The following ST6GALNAC3 variants were observed in gnomAD, a reference collection of about 807,000 sequenced individuals.
ST6GALNAC3 encodes the protein alpha-N-acetylgalactosaminide alpha-2,6-sialyltransferase 3.
Under a neutral mutation model 32.7 loss-of-function variants are expected in ST6GALNAC3, and 25 were observed. That is an observed-to-expected ratio of 0.76 (90% CI 0.56 to 1.07). ST6GALNAC3 has a LOEUF of 1.07. Among genes scored for constraint, ST6GALNAC3 ranks in the 50% least tolerant of loss-of-function variants. The pLI is 0.00. For missense variants in ST6GALNAC3, 355 were observed against 382.4 expected (o/e 0.93, Z 0.60); for synonymous variants, 129 against 133.1 (o/e 0.97, Z 0.21).
chr1:76,286,431 T>C (rs1537783), intron 1 of ST6GALNAC3, among the ~76,000 whole-genome samples: 73,257 of 152,096 alleles, frequency 0.48, 17,880 homozygotes, highest in African/African-American at 0.55. Flanking sequence ...ACTACCTCCA[T>C]AGAGATGTTT....
intron 2 of ST6GALNAC3, among the ~76,000 whole-genome samples, chr1:76,367,383 A>G (rs1162612614): frequency 6.6e-6 from 1 of 152,142 alleles, no homozygotes; most frequent in Non-Finnish European, 1.5e-5. Context: ...TGTGGTAAGC[A>G]CAGGGCACTA....
intron 1 of ST6GALNAC3, among the ~76,000 whole-genome samples, chr1:76,183,994 G>A (rs1227822541): frequency 1.3e-5 from 2 of 151,358 alleles, no homozygotes; most frequent in African/African-American, 4.9e-5. Context: ...CTACTGATAC[G>A]TGTATTAGTC....
At chr1:76,477,912 C>T (rs1294826648) in intron 3 of ST6GALNAC3, among the ~76,000 whole-genome samples, 1 of 152,202 alleles carries the variant, frequency 6.6e-6, no homozygotes, top group African/African-American at 2.4e-5. Context: ...TTCATGGGCT[C>T]TGTTCTCGAT....
chr1:76,475,384 G>T (rs1312659672), intron 3 of ST6GALNAC3, among the ~76,000 whole-genome samples: 3 of 152,140 alleles, frequency 2.0e-5, no homozygotes, highest in East Asian at 3.9e-4. Flanking sequence ...GTATACTGGG[G>T]TTGTTTTGAA....
Position 76,627,484 on chromosome 1 carries a change from G to T in ST6GALNAC3, c.656G>T (p.Trp219Leu), listed in dbSNP as rs1649043662. ...VQSGSYLSTG[W>L]FTFLLAMDAC... ...TCTGGCTCATATCTCAGCACAGGGT[G>T]GTTTACCTTCCTTCTGGCCATGGAC... Residue 219 changes from tryptophan to leucine, a missense_variant, in exon 4 of 5, where the codon TGG becomes TTG. By Grantham distance (61) the Trp-to-Leu change is moderately conservative. Transcript: ENST00000328299. 1 of 1,612,630 alleles carries T rather than the reference G, an allele frequency of 6.2e-7. No individual in the cohort carries two copies. Among genetic ancestry groups the T allele is most frequent in the Non-Finnish European group, 8.5e-7 (1 of 1,179,000 alleles).
Position 76,228,043 on chromosome 1 carries a change from G to A in ST6GALNAC3, c.19-85762G>A, listed in dbSNP as rs530614167. On this transcript the variant is annotated intron_variant, in intron 1 of 4. Coordinates refer to ENST00000328299, the MANE Select transcript of ST6GALNAC3 (RefSeq NM_152996.4). ...TGTATCTGGAGGTAAACACCAATCA[G>A]CTACAGTTGGCTTCAGGCCCAAGAG... Among the ~76,000 whole-genome samples, 12 of 152,298 alleles carry A rather than the reference G, an allele frequency of 7.9e-5. No individual in the cohort carries two copies. The South Asian group carries it at 2.3e-3, about 29-fold the overall frequency.
intron 1 of ST6GALNAC3, among the ~76,000 whole-genome samples, chr1:76,277,123 AT>A (rs1304264455): frequency 3.9e-5 from 6 of 152,246 alleles, no homozygotes; most frequent in African/African-American, 1.4e-4. Context: ...ACTTTTTGAG[AT>A]AAATTCTTTT....
At chr1:76,538,890 A>T (rs575711826) in intron 3 of ST6GALNAC3, among the ~76,000 whole-genome samples, 1 of 152,290 alleles carries the variant, frequency 6.6e-6, no homozygotes, top group African/African-American at 2.4e-5. Context: ...ATGGAAAAAC[A>T]TTCCCTCCTC....
chr1:76,191,419 A>C (rs905376361), intron 1 of ST6GALNAC3, among the ~76,000 whole-genome samples: 1 of 152,188 alleles, frequency 6.6e-6, no homozygotes, highest in African/African-American at 2.4e-5. Flanking sequence ...ACAGGTACAA[A>C]GTTACAATTA....
chr1:76,297,893 C>T (rs576072256), intron 1 of ST6GALNAC3, among the ~76,000 whole-genome samples: 7 of 151,700 alleles, frequency 4.6e-5, no homozygotes, highest in Admixed American at 3.3e-4. Context: ...ACTAACTTCC[C>T]GAAGAGACAG....
chr1:76,221,363 A>T (rs1655759247), intron 1 of ST6GALNAC3, among the ~76,000 whole-genome samples: 1 of 152,166 alleles, frequency 6.6e-6, no homozygotes, highest in African/African-American at 2.4e-5. Flanking sequence ...TTCCAACCAC[A>T]TGCCCTGGGG....
chr1:76,157,311 C>T (rs1472069176), intron 1 of ST6GALNAC3, among the ~76,000 whole-genome samples: 1 of 152,196 alleles, frequency 6.6e-6, no homozygotes, highest in African/African-American at 2.4e-5. Context: ...ATCATTCTAG[C>T]CTTCCCCCTT....
intron 1 of ST6GALNAC3, among the ~76,000 whole-genome samples, chr1:76,136,785 T>C (rs3011994): frequency 0.19 from 28,808 of 152,158 alleles, 2,909 homozygotes; most frequent in African/African-American, 0.25. Flanking sequence ...TTTACTCCCT[T>C]AGGAAGATTT....
intron 3 of ST6GALNAC3, among the ~76,000 whole-genome samples, chr1:76,510,343 T>C (rs528925583): frequency 1.3e-4 from 20 of 151,838 alleles, no homozygotes; most frequent in African/African-American, 4.6e-4. Flanking sequence ...TCACCAAAAA[T>C]ATCTTGAGGA....
At chr1:76,392,018 C>G (rs1652601718) in intron 2 of ST6GALNAC3, among the ~76,000 whole-genome samples, 1 of 152,144 alleles carries the variant, frequency 6.6e-6, no homozygotes. Flanking sequence ...GCACTATTGA[C>G]ATTTTGAGTA....
intron 4 of ST6GALNAC3, among the ~76,000 whole-genome samples, chr1:76,627,941 G>A (rs1649078320): frequency 6.6e-6 from 1 of 151,956 alleles, no homozygotes; most frequent in Non-Finnish European, 1.5e-5. Context: ...ATTTGATCAT[G>A]AAGGACAAAA....
At chr1:76,083,772 CT>C (rs1003764919) in intron 1 of ST6GALNAC3, among the ~76,000 whole-genome samples, 10 of 151,358 alleles carry the variant, frequency 6.6e-5, no homozygotes, top group East Asian at 3.9e-4. Flanking sequence ...ATATTTATAT[CT>C]TTTTTTTTAC....
intron 2 of ST6GALNAC3, among the ~76,000 whole-genome samples, chr1:76,335,410 G>T (rs1022028401): frequency 2.0e-5 from 3 of 148,134 alleles, no homozygotes; most frequent in African/African-American, 7.5e-5. Flanking sequence ...CCTGGGACAG[G>T]ATGTGATCTC....
intron 1 of ST6GALNAC3, among the ~76,000 whole-genome samples, chr1:76,112,880 C>T (rs1258518581): frequency 6.6e-6 from 1 of 151,890 alleles, no homozygotes; most frequent in Non-Finnish European, 1.5e-5. Context: ...AGAGGCTCCT[C>T]ACATCCCAGA....
Sources: allele counts gnomAD v4.1 joint callset (sites outside exome capture counted in the v4.1 genomes callset), GRCh38; gene constraint gnomAD v4.1.1; transcripts MANE v1.5; gene names NCBI Gene and HGNC (gene_info 2026-07-23, HGNC 2026-07-21).